The following ROR1 variants were observed in gnomAD, a reference collection of about 807,000 sequenced individuals.
ROR1 encodes ROR family WNT receptor 1.
ROR1 carries 19 observed loss-of-function variants against 78.8 expected under a neutral mutation model. The ratio of observed to expected loss-of-function variants is 0.24; its 90% CI spans 0.17 to 0.35. The LOEUF is 0.35. Among genes scored for constraint, ROR1 ranks in the 10% least tolerant of loss-of-function variants. ROR1 has a pLI of 1.00. For missense variants in ROR1, 917 were observed against 1,177.8 expected (o/e 0.78, Z 3.24); for synonymous variants, 386 against 433.6 (o/e 0.89, Z 1.36).
intron 7 of ROR1, among the ~76,000 whole-genome samples, chr1:64,157,707 C>T (rs536164838): frequency 6.6e-6 from 1 of 152,262 alleles, no homozygotes; most frequent in Non-Finnish European, 1.5e-5. Context: ...CTTTATACTT[C>T]CAGTTTAGCA....
chr1:63,859,771 T>C (rs1000888721), intron 1 of ROR1, among the ~76,000 whole-genome samples: 6 of 152,312 alleles, frequency 3.9e-5, no homozygotes, highest in Non-Finnish European at 5.9e-5. Flanking sequence ...GGCTTCAGTG[T>C]TGGATGAGTG....
intron 4 of ROR1, among the ~76,000 whole-genome samples, chr1:64,096,574 CT>C (rs1647307481): frequency 6.6e-6 from 1 of 152,080 alleles, no homozygotes; most frequent in Non-Finnish European, 1.5e-5. Context: ...TGATCTCATT[CT>C]TTTTTATGGC....
chr1:63,885,971 T>C (rs950633791), intron 1 of ROR1, among the ~76,000 whole-genome samples: 1 of 152,142 alleles, frequency 6.6e-6, no homozygotes, highest in African/African-American at 2.4e-5. Flanking sequence ...CACCATAATG[T>C]AGAATCGGTG....
intron 2 of ROR1, among the ~76,000 whole-genome samples, chr1:64,020,426 A>G (rs1235656304): frequency 1.3e-5 from 2 of 152,236 alleles, no homozygotes; most frequent in East Asian, 3.8e-4. Context: ...AAAATGAAAA[A>G]GGCAGAAACA....
chr1:64,070,104 C>T lies in ROR1; in HGVS notation c.482+19388C>T, dbSNP rs77659052. ...TATAGGCAAATGATCCTGCCTATGT[C>T]CAGGATCCAAATGACAATTCATATA... On this transcript the variant is annotated intron_variant, in intron 4 of 8. Coordinates refer to ENST00000371079, the MANE Select transcript of ROR1 (RefSeq NM_005012.4). Among the ~76,000 whole-genome samples the T allele has an allele frequency of 6.5e-3, 996 of 152,248 alleles. 9 individuals carry two copies. Among genetic ancestry groups the T allele is most frequent in the Non-Finnish European group, 0.01 (696 of 68,026 alleles).
At chr1:64,129,040 T>G (rs1648818194) in intron 4 of ROR1, among the ~76,000 whole-genome samples, 1 of 152,218 alleles carries the variant, frequency 6.6e-6, no homozygotes, top group Non-Finnish European at 1.5e-5. Flanking sequence ...GACATGGGCA[T>G]CTCTGTATTG....
intron 1 of ROR1, among the ~76,000 whole-genome samples, chr1:63,892,851 G>A (rs967418445): frequency 1.3e-5 from 2 of 152,158 alleles, no homozygotes; most frequent in African/African-American, 4.8e-5. Flanking sequence ...AAGGGCAATA[G>A]GGGTGACAGG....
At chr1:63,986,720 T>G (rs1408112065) in intron 1 of ROR1, among the ~76,000 whole-genome samples, 1 of 151,858 alleles carries the variant, frequency 6.6e-6, no homozygotes, top group African/African-American at 2.4e-5. Flanking sequence ...TGGTGGAGAC[T>G]CTCTCTACAC....
intron 4 of ROR1, among the ~76,000 whole-genome samples, chr1:64,132,233 A>C (rs937670251): frequency 1.3e-5 from 2 of 152,128 alleles, no homozygotes; most frequent in Non-Finnish European, 2.9e-5. Context: ...TCAGTACCTC[A>C]TTCATTTTTC....
At chr1:64,073,742 G>A (rs147962617) in intron 4 of ROR1, among the ~76,000 whole-genome samples, 148 of 152,316 alleles carry the variant, frequency 9.7e-4, no homozygotes, top group African/African-American at 3.4e-3. Flanking sequence ...AAATGATGGG[G>A]CCTCTTTGAA....
intron 7 of ROR1, among the ~76,000 whole-genome samples, chr1:64,149,539 G>T (rs760919195): frequency 4.5e-4 from 68 of 152,174 alleles, no homozygotes; most frequent in Admixed American, 6.5e-4. Flanking sequence ...CCTCTTAGAT[G>T]CAGCCCTGAT....
intron 1 of ROR1, among the ~76,000 whole-genome samples, chr1:63,994,428 C>T (rs982600713): frequency 2.0e-5 from 3 of 152,160 alleles, no homozygotes; most frequent in African/African-American, 7.2e-5. Context: ...AATAATGGAA[C>T]ACTAGTCATA....
intron 1 of ROR1, among the ~76,000 whole-genome samples, chr1:63,914,516 G>A (rs974090398): frequency 6.6e-6 from 1 of 152,154 alleles, no homozygotes; most frequent in African/African-American, 2.4e-5. Flanking sequence ...GGAAGAGTTG[G>A]GAGCTGTTAT....
At chr1:64,026,485 T>TACA (rs1646610743) in intron 2 of ROR1, among the ~76,000 whole-genome samples, 2 of 152,246 alleles carry the variant, frequency 1.3e-5, no homozygotes, top group Non-Finnish European at 1.5e-5. Flanking sequence ...AAACTGTGTA[T>TACA]GCTGTATTCA....
intron 1 of ROR1, among the ~76,000 whole-genome samples, chr1:63,809,211 G>A (rs180872256): frequency 3.3e-5 from 5 of 152,314 alleles, no homozygotes; most frequent in Admixed American, 3.3e-4. Context: ...GTACTTCTGT[G>A]CACCAGCAAT....
intron 7 of ROR1, among the ~76,000 whole-genome samples, chr1:64,157,417 A>G (rs10789150): frequency 0.97 from 147,028 of 152,232 alleles, 71,223 homozygotes; most frequent in Middle Eastern, 1. Flanking sequence ...GGGATTACAG[A>G]CATGACCCAC....
intron 1 of ROR1, among the ~76,000 whole-genome samples, chr1:63,836,040 T>C (rs1645017159): frequency 6.6e-6 from 1 of 152,248 alleles, no homozygotes; most frequent in South Asian, 2.1e-4. Flanking sequence ...CATTGTTCCT[T>C]AGGTAGCCCC....
At chr1:64,012,788 T>C (rs1184248372) in intron 2 of ROR1, among the ~76,000 whole-genome samples, 5 of 151,946 alleles carry the variant, frequency 3.3e-5, no homozygotes, top group Non-Finnish European at 5.9e-5. Context: ...ATGGGGCAAA[T>C]GCAAGATAAT....
chr1:63,990,085 G>T (rs1002972338), intron 1 of ROR1, among the ~76,000 whole-genome samples: 1 of 152,136 alleles, frequency 6.6e-6, no homozygotes, highest in African/African-American at 2.4e-5. Context: ...CTTCCTCATG[G>T]TCCCACTAGC....
Sources: allele counts gnomAD v4.1 joint callset (sites outside exome capture counted in the v4.1 genomes callset), GRCh38; gene constraint gnomAD v4.1.1; transcripts MANE v1.5; gene names NCBI Gene and HGNC (gene_info 2026-07-23, HGNC 2026-07-21).